The following SNX25 variants were observed in gnomAD, a reference collection of about 807,000 sequenced individuals.
SNX25 encodes sorting nexin 25, also known as sorting nexin-25.
SNX25 carries 62 observed loss-of-function variants against 113.7 expected under a neutral mutation model. The observed-to-expected ratio is 0.55, with a 90% confidence interval of 0.44 to 0.67. The LOEUF (loss-of-function observed/expected upper bound fraction) is 0.67. SNX25 is among the 30% of genes least tolerant of loss of function. SNX25 has a pLI of 0.00. For synonymous variants in SNX25, 421 were observed against 436.2 expected (o/e 0.97, Z 0.43); for missense variants, 1,014 against 1,161.0 (o/e 0.87, Z 1.84).
intron 6 of SNX25, chr4:185,295,801 T>C (rs1752761550): frequency 6.6e-6 from 1 of 152,122 alleles, no homozygotes; most frequent in Admixed American, 6.6e-5. Context: ...TGATATGCAA[T>C]TGTGAAAATA....
downstream of SNX25, among the ~76,000 whole-genome samples, chr4:185,371,522 A>T (rs1226179060): frequency 2.1e-5 from 3 of 145,672 alleles, no homozygotes; most frequent in East Asian, 6.1e-4. Flanking sequence ...AGCCTGGGCA[A>T]CAGAGCGAGA....
chr4:185,371,315 G>A (rs1489303281), downstream of SNX25, among the ~76,000 whole-genome samples: 12 of 152,072 alleles, frequency 7.9e-5, no homozygotes, highest in African/African-American at 1.7e-4. Flanking sequence ...CAAGGCAGGC[G>A]GATCACGAGG....
At chr4:185,314,870 A>G (rs899701429) in intron 7 of SNX25, among the ~76,000 whole-genome samples, 5 of 151,078 alleles carry the variant, frequency 3.3e-5, no homozygotes, top group African/African-American at 1.2e-4. Context: ...AAAAAAAAAA[A>G]AAAAGACAAA....
At chr4:185,278,324 A>T (rs954493528) in intron 5 of SNX25, among the ~76,000 whole-genome samples, 4 of 152,256 alleles carry the variant, frequency 2.6e-5, no homozygotes, top group African/African-American at 9.6e-5. Flanking sequence ...GCTTGGGCTC[A>T]AGAGTCAGAC....
chr4:185,266,846 G>T (rs982711096), intron 4 of SNX25, 123 bp from the exon 5 acceptor site: 58 of 834,422 alleles, frequency 7.0e-5, no homozygotes, highest in Non-Finnish European at 9.8e-5. Context: ...GTATTATATA[G>T]ATATTCCCCT....
At chr4:185,320,622 T>G in intron 7 of SNX25, 111 bp from the exon 8 acceptor site, 1 of 736,512 alleles carries the variant, frequency 1.4e-6, no homozygotes, top group Admixed American at 3.6e-5. Flanking sequence ...ACTTTATTCC[T>G]TTAAAAAATG....
intron 1 of SNX25, among the ~76,000 whole-genome samples, chr4:185,233,820 C>G (rs1742204602): frequency 6.6e-6 from 1 of 151,946 alleles, no homozygotes; most frequent in Non-Finnish European, 1.5e-5. Flanking sequence ...CCCCATGAAT[C>G]TAATTCTTCC....
chr4:185,314,600 C>T (rs1208261432), intron 7 of SNX25, among the ~76,000 whole-genome samples: 1 of 152,124 alleles, frequency 6.6e-6, no homozygotes, highest in East Asian at 1.9e-4. Flanking sequence ...TGGCTCACGC[C>T]TGTAATCCCA....
chr4:185,256,026 T>C (rs565720953), intron 2 of SNX25, among the ~76,000 whole-genome samples: 2 of 152,320 alleles, frequency 1.3e-5, no homozygotes, highest in South Asian at 4.1e-4. Flanking sequence ...CAAATTAATA[T>C]CTGAAAATGA....
chr4:185,375,504 A>AAAAT, the SNX25 span: 1 of 79,892 alleles, frequency 1.3e-5, no homozygotes, highest in Non-Finnish European at 2.2e-5. Flanking sequence ...ATATATATAT[A>AAAAT]TATATATATA....
At chr4:185,259,113 A>G (rs769388843) in intron 3 of SNX25, 49 bp downstream of exon 3, 1 of 1,529,164 alleles carries the variant, frequency 6.5e-7, no homozygotes, top group Non-Finnish European at 9.0e-7. Context: ...ATTTTTTTTA[A>G]TTGAGTAAAA....
chr4:185,242,168 G>A (rs1329508294), intron 1 of SNX25, among the ~76,000 whole-genome samples: 2 of 152,312 alleles, frequency 1.3e-5, no homozygotes, highest in South Asian at 2.1e-4. Flanking sequence ...TGCAGAATGT[G>A]TACAGAAAAC....
At chr4:185,359,954 G>A (rs1402161621) in intron 16 of SNX25, among the ~76,000 whole-genome samples, 1 of 152,144 alleles carries the variant, frequency 6.6e-6, no homozygotes, top group African/African-American at 2.4e-5. Context: ...ATGGTTCTTT[G>A]CTGTTTTTGC....
At chr4:185,260,730 A>G (rs569965704) in intron 3 of SNX25, among the ~76,000 whole-genome samples, 2 of 152,328 alleles carry the variant, frequency 1.3e-5, no homozygotes, top group South Asian at 4.1e-4. Flanking sequence ...TTTTTATTTT[A>G]CTATAGTTTT....
At chr4:185,374,213 TC>T (rs1482842095), downstream of SNX25, 1 of 1,614,068 alleles carries the variant, frequency 6.2e-7, no homozygotes, top group Non-Finnish European at 8.5e-7. Flanking sequence ...CTTTGGGATT[TC>T]CATTGTCTGC....
intron 1 of SNX25, among the ~76,000 whole-genome samples, chr4:185,242,189 A>G (rs7655203): frequency 0.34 from 51,763 of 152,078 alleles, 10,533 homozygotes; most frequent in East Asian, 0.55. Flanking sequence ...TTTTTCCTCT[A>G]CTTTCATACC....
chr4:185,332,558 C>T (rs2095202970), intron 9 of SNX25, 37 bp from the exon 10 acceptor site: 2 of 1,522,258 alleles, frequency 1.3e-6, no homozygotes, highest in South Asian at 2.7e-5. Context: ...AATTTTCTAT[C>T]ATTATAAGAT....
At chr4:185,261,114 C>CTCTG (rs1466393084) in intron 3 of SNX25, among the ~76,000 whole-genome samples, 20 of 141,758 alleles carry the variant, frequency 1.4e-4, no homozygotes, top group African/African-American at 3.7e-4. Flanking sequence ...CTGTCTGTCT[C>CTCTG]TGTGTGTGTG....
intron 1 of SNX25, among the ~76,000 whole-genome samples, chr4:185,220,276 TTC>T (rs1739576547): frequency 6.6e-6 from 1 of 152,156 alleles, no homozygotes; most frequent in South Asian, 2.1e-4. Flanking sequence ...TTCTTTTTTT[TTC>T]TTTAAATTTT....
Sources: allele counts gnomAD v4.1 joint callset (sites outside exome capture counted in the v4.1 genomes callset), GRCh38; gene constraint gnomAD v4.1.1; transcripts MANE v1.5; gene names NCBI Gene and HGNC (gene_info 2026-07-23, HGNC 2026-07-21).